Variants in NRXN3 observed in about 807,000 individuals in gnomAD.
NRXN3 encodes neurexin 3.
A neutral mutation model predicts 137.6 loss-of-function variants in NRXN3; 32 were observed. The observed-to-expected ratio is 0.23, with a 90% confidence interval of 0.18 to 0.31. The LOEUF (loss-of-function observed/expected upper bound fraction) is 0.31, where lower values mean the gene tolerates loss of function less well. Ranked by LOEUF, NRXN3 falls within the 10% of genes least tolerant of loss-of-function variation. NRXN3 has a pLI of 1.00. For synonymous variants in NRXN3, 798 were observed against 784.5 expected (o/e 1.02, Z -0.29); for missense variants, 1,574 against 2,062.5 (o/e 0.76, Z 4.59).
intron 10 of NRXN3, among the ~76,000 whole-genome samples, chr14:78,898,067 C>CA (rs1466314327): frequency 6.6e-6 from 1 of 151,824 alleles, no homozygotes; most frequent in Non-Finnish European, 1.5e-5. Context: ...CCCTAATATG[C>CA]AAAAATACTG....
intron 16 of NRXN3, among the ~76,000 whole-genome samples, chr14:79,555,732 T>C (rs937440732): frequency 3.3e-5 from 5 of 152,116 alleles, no homozygotes; most frequent in Non-Finnish European, 5.9e-5. Context: ...CTTGGTATAG[T>C]CCTAAATTAT....
Position 79,824,008 on chromosome 14 carries a change from A to T in NRXN3, c.4093+18818A>T, listed in dbSNP as rs866527293. On this transcript the variant is annotated intron_variant, in intron 20 of 20. Transcript: ENST00000335750. ...AGTTTAAAATTTCTGCTTGGAACCC[A>T]GGAACACAGATGGAACACGAAGTGG... 8 of 401,864 alleles carry T rather than the reference A, an allele frequency of 2.0e-5. No homozygotes were observed. In the Middle Eastern group the frequency reaches 1.1e-3, roughly 56 times the overall value. 24.9% of individuals were successfully genotyped at this position (401,864 alleles called of 1,614,324 possible).
chr14:78,983,018 A>T (rs1472098437), intron 14 of NRXN3, among the ~76,000 whole-genome samples: 1 of 152,186 alleles, frequency 6.6e-6, no homozygotes, highest in Middle Eastern at 3.2e-3. Flanking sequence ...CAGATGGCCA[A>T]CATATATATG....
chr14:79,347,282 T>C (rs2092933896), intron 15 of NRXN3, among the ~76,000 whole-genome samples: 1 of 152,144 alleles, frequency 6.6e-6, no homozygotes, highest in Non-Finnish European at 1.5e-5. Context: ...CTAGAAATAA[T>C]ACTTAATGTC....
intron 4 of NRXN3, among the ~76,000 whole-genome samples, chr14:78,364,734 A>G (rs1362447239): frequency 6.6e-6 from 1 of 152,226 alleles, no homozygotes; most frequent in Non-Finnish European, 1.5e-5. Flanking sequence ...TCATGAAACA[A>G]CATCCACAAA....
At chr14:78,929,417 C>T (rs2099315418) in intron 10 of NRXN3, among the ~76,000 whole-genome samples, 1 of 152,248 alleles carries the variant, frequency 6.6e-6, no homozygotes, top group Non-Finnish European at 1.5e-5. Context: ...TTCATATGTT[C>T]ACATAATTTA....
At chr14:79,507,655 G>T (rs994803943) in intron 16 of NRXN3, among the ~76,000 whole-genome samples, 1 of 152,088 alleles carries the variant, frequency 6.6e-6, no homozygotes, top group African/African-American at 2.4e-5. Context: ...GGTGCATATT[G>T]CCTGTCACTT....
chr14:79,521,719 G>T (rs955824335), intron 16 of NRXN3, among the ~76,000 whole-genome samples: 1 of 152,024 alleles, frequency 6.6e-6, no homozygotes, highest in Non-Finnish European at 1.5e-5. Flanking sequence ...TATTGTCAGG[G>T]TTTATTCCAT....
intron 10 of NRXN3, among the ~76,000 whole-genome samples, chr14:78,927,150 CAA>C (rs1555588692): frequency 1.1e-4 from 12 of 111,690 alleles, no homozygotes; most frequent in Admixed American, 2.0e-4. Context: ...GTGAGACCCT[CAA>C]AAAAAAAAAA....
At chr14:79,571,718 A>T (rs1192575970) in intron 16 of NRXN3, among the ~76,000 whole-genome samples, 1 of 152,140 alleles carries the variant, frequency 6.6e-6, no homozygotes, top group Non-Finnish European at 1.5e-5. Context: ...TAGTAAGTGC[A>T]CTTGTGTGTG....
intron 4 of NRXN3, among the ~76,000 whole-genome samples, chr14:78,354,902 G>A (rs1443567165): frequency 6.6e-6 from 1 of 152,148 alleles, no homozygotes; most frequent in Non-Finnish European, 1.5e-5. Flanking sequence ...AGGGGCTGAG[G>A]GAATCTGTTC....
At chr14:79,726,126 G>A (rs1384225387) in intron 19 of NRXN3, among the ~76,000 whole-genome samples, 1 of 152,090 alleles carries the variant, frequency 6.6e-6, no homozygotes, top group Non-Finnish European at 1.5e-5. Flanking sequence ...AAAAACCAGA[G>A]ACTTAGGCTA....
chr14:78,328,172 T>TCTCTACAG (rs1423086411), intron 4 of NRXN3, among the ~76,000 whole-genome samples: 1 of 152,068 alleles, frequency 6.6e-6, no homozygotes, highest in Non-Finnish European at 1.5e-5. Context: ...AAATCATAGC[T>TCTCTACAG]CTCTACAGGG....
chr14:79,426,575 C>T (rs1363608396), intron 15 of NRXN3, among the ~76,000 whole-genome samples: 3 of 152,188 alleles, frequency 2.0e-5, no homozygotes, highest in Non-Finnish European at 4.4e-5. Context: ...TGTTTACAGC[C>T]ACCTATAAAA....
intron 8 of NRXN3, among the ~76,000 whole-genome samples, chr14:78,801,752 G>C (rs74454516): frequency 0.04 from 6,065 of 152,146 alleles, 174 homozygotes; most frequent in African/African-American, 0.077. Flanking sequence ...GATACTACCT[G>C]ATCTACCTGT....
intron 15 of NRXN3, among the ~76,000 whole-genome samples, chr14:79,387,358 A>G (rs1443062335): frequency 1.3e-5 from 2 of 152,244 alleles, no homozygotes; most frequent in African/African-American, 2.4e-5. Flanking sequence ...AAAAATGCTC[A>G]TCATCACTGG....
At position 79,520,155 on chromosome 14, in the gene NRXN3, A is replaced by G. The variant is rs111647096; in HGVS notation, c.3444+52753A>G. ...TTTTAAACAAAAAGGTCTTTTCTCAATTATTTAAAACCTGAATACCACTTT... is the reference window on the plus strand; with the variant it reads ...TTTTAAACAAAAAGGTCTTTTCTCAGTTATTTAAAACCTGAATACCACTTT... On this transcript the variant is annotated intron_variant, in intron 16 of 20. Transcript: ENST00000335750. Among the ~76,000 whole-genome samples, 762 of 152,210 alleles carry G rather than the reference A, an allele frequency of 5.0e-3. 3 individuals are homozygous for G. Among genetic ancestry groups the G allele is most frequent in the African/African-American group, 0.017 (726 of 41,548 alleles).
intron 16 of NRXN3, among the ~76,000 whole-genome samples, chr14:79,477,071 A>G (rs1313942482): frequency 6.6e-6 from 1 of 152,018 alleles, no homozygotes; most frequent in African/African-American, 2.4e-5. Flanking sequence ...TAAAAACAGA[A>G]TCAGCTATAT....
intron 10 of NRXN3, among the ~76,000 whole-genome samples, chr14:78,925,765 A>G (rs1026461645): frequency 6.6e-5 from 10 of 152,278 alleles, no homozygotes; most frequent in Non-Finnish European, 1.2e-4. Flanking sequence ...AGTCCTCATA[A>G]AAACCCGCCA....
Sources: gnomAD v4.1 joint callset for allele counts (sites outside exome capture counted in the v4.1 genomes callset) on GRCh38, gnomAD v4.1.1 for gene constraint, MANE v1.5 for transcripts, NCBI Gene and HGNC (gene_info 2026-07-23, HGNC 2026-07-21) for gene names.